The following MYO9B variants were observed in gnomAD, a reference collection of about 807,000 sequenced individuals.
The protein encoded by MYO9B is unconventional myosin-IXb.
A neutral mutation model predicts 229.5 loss-of-function variants in MYO9B; 71 were observed. The observed-to-expected ratio is 0.31, with a 90% confidence interval of 0.26 to 0.38. The LOEUF is 0.38. Ranked by LOEUF, MYO9B falls within the 10% of genes least tolerant of loss-of-function variation. MYO9B has a pLI of 1.00. For synonymous variants in MYO9B, 1,185 were observed against 1,235.8 expected (o/e 0.96, Z 0.86); for missense variants, 2,255 against 2,920.5 (o/e 0.77, Z 5.25).
chr19:17,206,225 G>GTTCCCCCCCCCCCCCCC, intron 32 of MYO9B, 23 bp from the exon 33 acceptor site: 1 of 1,564,672 alleles, frequency 6.4e-7, no homozygotes, highest in Admixed American at 1.8e-5. Context: ...CCGCTCACCA[G>GTTCCCCCCCCCCCCCCC]ACCCACCCCA....
intron 2 of MYO9B, among the ~76,000 whole-genome samples, chr19:17,135,526 C>T (rs1208481791): frequency 6.6e-6 from 1 of 152,264 alleles, no homozygotes; most frequent in East Asian, 1.9e-4. Flanking sequence ...CAAGCAGCAA[C>T]ACAATAGCAC....
intron 11 of MYO9B, among the ~76,000 whole-genome samples, chr19:17,171,902 A>G (rs2072728664): frequency 6.6e-6 from 1 of 152,186 alleles, no homozygotes; most frequent in African/African-American, 2.4e-5. Context: ...CCACTACACT[A>G]TAGCCTGGGC....
chr19:17,145,427 A>G lies in MYO9B; in HGVS notation c.871A>G (p.Asn291Asp), dbSNP rs929137005. 7 of 1,613,908 alleles carry G rather than the reference A, an allele frequency of 4.3e-6. No individual in the cohort carries two copies. The highest frequency in any genetic ancestry group is 5.9e-6 in the Non-Finnish European group (7 of 1,179,902). Residue 291 changes from asparagine (N) to aspartate (D), a missense_variant, in exon 3 of 40, where the codon AAC becomes GAC. By Grantham distance (23) the Asn-to-Asp change is conservative. Transcript: ENST00000682292. Reference sequence around the variant, plus strand: ...TGGAAATGCCAAGACAGCCCACAACAACAACTCCAGCCGGTTTGGGAAATT... The same window carrying G: ...TGGAAATGCCAAGACAGCCCACAACGACAACTCCAGCCGGTTTGGGAAATT... ...AFGNAKTAHN[N>D]NSSRFGKFIQ...
rs569860440 is a variant in MYO9B at position 17,105,602 on chromosome 19, T to C, written c.840+3045T>C. On this transcript the variant is annotated intron_variant, in intron 2 of 39. Transcript: ENST00000682292. ...ATGAATGTGTCAGTTTCTTCACACG[T>C]AGGATCCTGAGAGCCCCCTCAGTGG... is the stretch of plus-strand genomic sequence containing the variant. 3.3e-5 allele frequency among the ~76,000 whole-genome samples: 5 copies of C among 152,296 alleles called. No homozygotes were observed. The East Asian group carries it at 9.7e-4, about 29-fold the overall frequency.
chr19:17,146,175 ATGGATG>A (rs2072408249), intron 3 of MYO9B, among the ~76,000 whole-genome samples: 8 of 142,628 alleles, frequency 5.6e-5, no homozygotes, highest in African/African-American at 2.3e-4. Flanking sequence ...GGATGGATGG[ATGGATG>A]GATGGATGGA....
chr19:17,080,411 G>A (rs1283745333), intron 1 of MYO9B, among the ~76,000 whole-genome samples: 1 of 152,120 alleles, frequency 6.6e-6, no homozygotes, highest in Admixed American at 6.5e-5. Context: ...TCTGTTCCAC[G>A]CCTCTCTCTG....
chr19:17,183,634 A>G, intron 15 of MYO9B, 195 bp from the exon 16 acceptor site: 1 of 579,908 alleles, frequency 1.7e-6, no homozygotes, highest in Middle Eastern at 2.8e-4. Flanking sequence ...ACTGGTGTCC[A>G]CAGACAGTGG....
Position 17,200,779 on chromosome 19 carries a change from A to C in MYO9B, c.4513A>C (p.Ile1505Leu), listed in dbSNP as rs376299982. 1.6e-5 allele frequency: 26 copies of C among 1,613,934 alleles called. No individual in the cohort carries two copies. The highest frequency in any genetic ancestry group is 2.1e-5 in the Non-Finnish European group (25 of 1,179,914). Reference protein sequence around the residue: ...EKWRESVFRQITNANELKYLD... With the variant: ...EKWRESVFRQLTNANELKYLD... Reference sequence around the variant, plus strand: ...GTGGCGGGAATCGGTGTTCCGCCAGATCACCAACGCCAATGAGCTCAAGTA... The same window carrying C: ...GTGGCGGGAATCGGTGTTCCGCCAGCTCACCAACGCCAATGAGCTCAAGTA... The change falls in exon 26 of 40, where the codon ATC (isoleucine) becomes CTC (leucine). Residue 1505 changes from isoleucine to leucine, a missense_variant. Ile to Leu is a conservative substitution (Grantham distance 5). Around this residue, in one of 7 missense-constraint regions of MYO9B, gnomAD observed 416 missense variants for 605.5 expected, o/e 0.69. Coordinates refer to ENST00000682292, the MANE Select transcript of MYO9B (RefSeq NM_004145.4).
intron 11 of MYO9B, among the ~76,000 whole-genome samples, chr19:17,171,037 C>T (rs1205127171): frequency 6.6e-6 from 1 of 151,870 alleles, no homozygotes; most frequent in Non-Finnish European, 1.5e-5. Flanking sequence ...AAATACTGTG[C>T]TAAAATATTA....
At chr19:17,098,979 GAA>G (rs59245743) in intron 1 of MYO9B, among the ~76,000 whole-genome samples, 22,568 of 137,652 alleles carry the variant, frequency 0.16, 2,242 homozygotes, top group Non-Finnish European at 0.23. Flanking sequence ...TCTCTCTTAG[GAA>G]AAAAAAAAAA....
chr19:17,084,729 AAAAG>A (rs1439401821), intron 1 of MYO9B, among the ~76,000 whole-genome samples: 1 of 151,776 alleles, frequency 6.6e-6, no homozygotes, highest in East Asian at 1.9e-4. Context: ...AAAAAAGAAA[AAAAG>A]AAAAACACAC....
intron 1 of MYO9B, among the ~76,000 whole-genome samples, chr19:17,084,427 G>C (rs1313266298): frequency 3.9e-5 from 6 of 151,946 alleles, no homozygotes; most frequent in Non-Finnish European, 5.9e-5. Context: ...AATTAATGTA[G>C]GGTCTCTCAC....
At chr19:17,100,598 C>T (rs977239991) in intron 1 of MYO9B, among the ~76,000 whole-genome samples, 1 of 152,186 alleles carries the variant, frequency 6.6e-6, no homozygotes, top group East Asian at 1.9e-4. Flanking sequence ...GGATCCTTTC[C>T]AGGGAGTCCT....
Position 17,209,622 on chromosome 19 carries a change from A to T in MYO9B, c.5661A>T (p.Lys1887Asn). 1 of 1,606,100 alleles carries T rather than the reference A, an allele frequency of 6.2e-7. No individual in the cohort carries two copies. Among genetic ancestry groups the T allele is most frequent in the East Asian group, 2.2e-5 (1 of 44,640 alleles). Residue 1887 changes from lysine to asparagine, a missense_variant, in exon 36 of 40, where the codon AAA (lysine) becomes AAT (asparagine). Around this residue, in one of 7 missense-constraint regions of MYO9B, gnomAD observed 416 missense variants for 605.5 expected, o/e 0.69. Coordinates refer to ENST00000682292, the MANE Select transcript of MYO9B (RefSeq NM_004145.4). ...TGCTGATCAAGGAGCAGATGAGGAAATACAAAGTGAAGATGGAGGAGATCA... is the reference window on the plus strand; with the variant it reads ...TGCTGATCAAGGAGCAGATGAGGAATTACAAAGTGAAGATGGAGGAGATCA... Reference protein sequence around the residue: ...VEMLIKEQMRKYKVKMEEISQ... With the variant: ...VEMLIKEQMRNYKVKMEEISQ...
chr19:17,132,527 T>A (rs2072212595), intron 2 of MYO9B, among the ~76,000 whole-genome samples: 1 of 77,074 alleles, frequency 1.3e-5, no homozygotes, highest in Non-Finnish European at 2.4e-5. Flanking sequence ...TTATTATTAT[T>A]TTTTTTTTTT....
chr19:17,210,406 G>C, intron 37 of MYO9B, 26 bp downstream of exon 37: 1 of 1,570,338 alleles, frequency 6.4e-7, no homozygotes, highest in Non-Finnish European at 8.6e-7. Flanking sequence ...GTGGGCCCGC[G>C]GTGCATGTCT....
chr19:17,096,663 T>TTTGTTGTTGTTG (rs150244722), intron 1 of MYO9B, among the ~76,000 whole-genome samples: 8 of 115,726 alleles, frequency 6.9e-5, no homozygotes, highest in East Asian at 2.7e-4. Context: ...GTTCAGATAG[T>TTTGTTGTTGTTG]TTGTTGTTGT....
At chr19:17,113,386 GC>G (rs1417538209) in intron 2 of MYO9B, among the ~76,000 whole-genome samples, 1 of 152,206 alleles carries the variant, frequency 6.6e-6, no homozygotes, top group African/African-American at 2.4e-5. Flanking sequence ...TCGGGTAGGC[GC>G]ACTGCTGTGG....
chr19:17,107,698 C>A (rs1286846316), intron 2 of MYO9B, among the ~76,000 whole-genome samples: 2 of 152,232 alleles, frequency 1.3e-5, no homozygotes, highest in East Asian at 3.9e-4. Context: ...CACGTCACAT[C>A]AGTCTCTGCC....
Sources: allele counts gnomAD v4.1 joint callset (sites outside exome capture counted in the v4.1 genomes callset), GRCh38; gene constraint gnomAD v4.1.1; regional missense constraint gnomAD v4.1.1; transcripts MANE v1.5; gene names NCBI Gene and HGNC (gene_info 2026-07-23, HGNC 2026-07-21).